The following KAZALD1 variants were observed in gnomAD, a reference collection of about 807,000 sequenced individuals.
KAZALD1 encodes the protein Kazal type serine peptidase inhibitor domain 1.
Under a neutral mutation model 27.7 loss-of-function variants are expected in KAZALD1, and 31 were observed. The observed-to-expected ratio is 1.12, with a 90% confidence interval of 0.84 to 1.51. KAZALD1 has a LOEUF of 1.51. KAZALD1 is among the 40% of genes most tolerant of loss of function. The pLI is 0.00. For missense variants in KAZALD1, 444 were observed against 408.9 expected, an observed-to-expected ratio of 1.09 and a Z score of -0.74; for synonymous variants, 179 against 182.0, an observed-to-expected ratio of 0.98 and a Z score of 0.13.
rs756292724 is a variant in KAZALD1 at position 101,064,318 on chromosome 10, T to C, written c.569T>C (p.Ile190Thr). ...TGGAATGTGACAGGGCAGGATGTGA[T>C]CTTTGGCTGTGAAGTGTTTGCCTAC... The part of the protein sequence containing the change: ...DTWNVTGQDV[I>T]FGCEVFAYPM... Residue 190 changes from isoleucine to threonine, a missense_variant, in exon 3 of 5, where the codon ATC (isoleucine) becomes ACC (threonine). Transcript: ENST00000370200. 2.5e-6 allele frequency: 4 copies of C among 1,614,164 alleles called. No homozygotes were observed. The highest frequency in any genetic ancestry group is 3.4e-6 in the Non-Finnish European group (4 of 1,180,018).
At position 101,064,263 on chromosome 10, in the gene KAZALD1, C is replaced by T. The variant is rs541791113; in HGVS notation, c.514C>T (p.Pro172Ser). The T allele has an allele frequency of 3.7e-6, 6 of 1,614,138 alleles. No individual in the cohort carries two copies. The African/African-American group carries it at 6.7e-5, about 18-fold the overall frequency. Residue 172 changes from proline to serine, a missense_variant and splice_region_variant, in exon 3 of 5, where the codon CCC becomes TCC. Pro to Ser is a moderately conservative substitution (Grantham distance 74). Transcript: ENST00000370200. Reference protein sequence around the residue: ...VAHPGPCESGPQIVSHPYDTW... With the variant: ...VAHPGPCESGSQIVSHPYDTW... ...AGACCTCCCGCCTTCACCCCCAGGG[C>T]CCCAGATCGTGTCACATCCATATGA... is the stretch of plus-strand genomic sequence containing the variant.
downstream of KAZALD1, chr10:101,067,177 G>A (rs1411171570): frequency 6.8e-6 from 3 of 438,452 alleles, no homozygotes; most frequent in Admixed American, 2.4e-5. Flanking sequence ...GGGGGAGGCT[G>A]AGCCGCTGCC....
intron 4 of KAZALD1, 47 bp from the exon 5 acceptor site, chr10:101,064,779 C>A: frequency 6.3e-7 from 1 of 1,598,736 alleles, no homozygotes; most frequent in African/African-American, 1.3e-5. Context: ...TGGGCACCGA[C>A]AGCCCCTCTC....
In KAZALD1 at chr10:101,064,494, G is replaced by A; in HGVS notation, c.673-7G>A. The stretch of plus-strand genomic sequence containing the variant: ...AAGGACCCTGCTGATTCCTTGCCTG[G>A]CTCCAGTTTAGGGGTGGACCCCAGA... On this transcript the variant is annotated splice_region_variant and splice_polypyrimidine_tract_variant and intron_variant, in intron 3 of 4. Transcript: ENST00000370200. 1 of 1,614,176 alleles carries A rather than the reference G, an allele frequency of 6.2e-7. No homozygotes were observed. Among genetic ancestry groups the A allele is most frequent in the Non-Finnish European group, 8.5e-7 (1 of 1,180,026 alleles).
chr10:101,064,163 C>T (rs548742144), intron 2 of KAZALD1, 98 bp from the exon 3 acceptor site: 1 of 1,314,152 alleles, frequency 7.6e-7, no homozygotes, highest in African/African-American at 1.4e-5. Context: ...TGTGTTCTGC[C>T]ACAAGCATGT....
chr10:101,064,342 A>G lies in KAZALD1; in HGVS notation c.593A>G (p.Tyr198Cys). Residue 198 changes from tyrosine to cysteine, a missense_variant, in exon 3 of 5, where the codon TAC (tyrosine) becomes TGC (cysteine). Coordinates refer to ENST00000370200, the MANE Select transcript of KAZALD1 (RefSeq NM_030929.5). The part of the protein sequence containing the change: ...DVIFGCEVFA[Y>C]PMASIEWRKD... ...ATCTTTGGCTGTGAAGTGTTTGCCT[A>G]CCCCATGGCCTCCATCGAGTGGAGG... 6.2e-7 allele frequency: 1 copy of G among 1,614,034 alleles called. No homozygotes were observed. The highest frequency in any genetic ancestry group is 2.2e-5 in the East Asian group (1 of 44,862).
chr10:101,062,403 C>T, intron 1 of KAZALD1, 139 bp from the exon 2 acceptor site: 3 of 752,472 alleles, frequency 4.0e-6, no homozygotes, highest in Non-Finnish European at 4.1e-6. Context: ...GGTCACTAGG[C>T]CTGTGTGTTG....
rs36116329 is a variant in KAZALD1, at chr10:101,064,595, G to A, written c.767G>A (p.Arg256His). The A allele has an allele frequency of 1.8e-3, 2,954 of 1,613,936 alleles. 36 individuals carry two copies. In the African/African-American group the frequency reaches 0.027, roughly 15 times the overall value. ...SDEGTYRCLG[R>H]NALGQVEAPA... ...GAGGGCACTTACCGCTGCCTTGGCC[G>A]CAATGCCCTGGGTCAAGTGGAGGCC... The change falls in exon 4 of 5, where the codon CGC (arginine) becomes CAC (histidine). Residue 256 changes from arginine to histidine, a missense_variant. Transcript: ENST00000370200.
intron 2 of KAZALD1, 173 bp from the exon 3 acceptor site, chr10:101,064,088 C>A: frequency 1.5e-6 from 1 of 658,022 alleles, no homozygotes; most frequent in Non-Finnish European, 2.6e-6. Flanking sequence ...TACCAGCATC[C>A]ATATCTGTGT....
Position 101,066,767 on chromosome 10 carries a change from A to T in KAZALD1, c.*1847A>T, listed in dbSNP as rs371233764. The T allele has an allele frequency of 1.2e-5, 4 of 340,614 alleles. No individual in the cohort carries two copies. In the East Asian group the frequency reaches 3.2e-4, roughly 27 times the overall value. 21.1% of individuals were successfully genotyped at this position (340,614 alleles called of 1,614,324 possible). ...CACCAAAAGCCCCACCCCACCGGAGAGGGTCACGCAGGTCCCGGGGAATCC... is the reference window on the plus strand; with the variant it reads ...CACCAAAAGCCCCACCCCACCGGAGTGGGTCACGCAGGTCCCGGGGAATCC... On this transcript the variant is annotated 3_prime_UTR_variant, in exon 5 of 5. Transcript: ENST00000370200.
downstream of KAZALD1, chr10:101,067,146 A>G (rs2134248305): frequency 9.0e-6 from 3 of 331,788 alleles, no homozygotes; most frequent in Admixed American, 3.4e-5. Flanking sequence ...GGGGAGGGGG[A>G]GGGAGGGGGA....
intron 2 of KAZALD1, 31 bp from the exon 3 acceptor site, chr10:101,064,230 C>T: frequency 1.2e-6 from 2 of 1,612,554 alleles, no homozygotes; most frequent in Non-Finnish European, 1.7e-6. Context: ...CTGGGCCATG[C>T]TATTCTCAGA....
At position 101,066,673 on chromosome 10, in the gene KAZALD1, G is replaced by A. The variant is rs1426921613; in HGVS notation, c.*1753G>A. 2.8e-6 allele frequency: 1 copy of A among 362,500 alleles called. No homozygotes were observed. The highest frequency in any genetic ancestry group is 2.1e-5 in the African/African-American group (1 of 47,162). The allele number at this position is 362,500 out of a possible 1,614,324, so 22.5% of individuals were successfully genotyped here. On this transcript the variant is annotated 3_prime_UTR_variant, in exon 5 of 5. Transcript: ENST00000370200. Reference sequence around the variant, plus strand: ...CCGCCCCTAGCTTGTTCTTCGCCCAGCTGGGCTCCAAGACGCCCTCTGCGG... The same window carrying A: ...CCGCCCCTAGCTTGTTCTTCGCCCAACTGGGCTCCAAGACGCCCTCTGCGG...
chr10:101,065,129 C>T lies in KAZALD1; in HGVS notation c.*209C>T. ...GGAGGGTAGGGAGAGAAGCTGAGAC[C>T]AGGACCGGTGGGGTACAAAGGGGCC... On this transcript the variant is annotated 3_prime_UTR_variant, in exon 5 of 5. Transcript: ENST00000370200. 1.8e-6 allele frequency: 1 copy of T among 566,696 alleles called. No individual in the cohort carries two copies. Among genetic ancestry groups the T allele is most frequent in the Admixed American group, 3.0e-5 (1 of 32,890 alleles). 35.1% of individuals were successfully genotyped at this position (566,696 alleles called of 1,614,324 possible).
chr10:101,062,465 G>T (rs1007188493), intron 1 of KAZALD1, 77 bp from the exon 2 acceptor site: 2 of 1,399,922 alleles, frequency 1.4e-6, no homozygotes, highest in Non-Finnish European at 1.9e-6. Context: ...TCATGCTTTG[G>T]TACAAGAAGC....
In KAZALD1 at chr10:101,065,863, C is replaced by T. The variant is rs117754766; in HGVS notation, c.*943C>T. Among the ~76,000 whole-genome samples the T allele has an allele frequency of 8.7e-3, 1,321 of 152,354 alleles. 7 individuals carry two copies. Among genetic ancestry groups the T allele is most frequent in the Non-Finnish European group, 0.014 (985 of 68,034 alleles). ...TGCTCATCTTATTCCAAACCCTTCC[C>T]CAGGCCAGAATGGGGAACAGGGCTA... On this transcript the variant is annotated 3_prime_UTR_variant, in exon 5 of 5. Transcript: ENST00000370200.
rs1939330503 is a variant in KAZALD1 at position 101,066,616 on chromosome 10, G to C, written c.*1696G>C. ...TCCGCCCGGCGCTGAAAGAGGGGAC[G>C]TGGGTGTGAGTCCCAGCATCAGCCA... On this transcript the variant is annotated 3_prime_UTR_variant, in exon 5 of 5. Transcript: ENST00000370200. 2.4e-6 allele frequency: 1 copy of C among 411,926 alleles called. No individual in the cohort carries two copies. 25.5% of individuals were successfully genotyped at this position (411,926 alleles called of 1,614,324 possible). A position where few individuals can be genotyped will look rare whatever the true frequency, so the allele number is the denominator to read the frequency against.
intron 4 of KAZALD1, 45 bp downstream of exon 4, chr10:101,064,693 A>C (rs1161931299): frequency 6.2e-7 from 1 of 1,611,640 alleles, no homozygotes; most frequent in Non-Finnish European, 8.5e-7. Flanking sequence ...ATGGTGCTGG[A>C]TTCCAGTTGT....
chr10:101,064,079 A>C, intron 2 of KAZALD1, 182 bp from the exon 3 acceptor site: 1 of 642,254 alleles, frequency 1.6e-6, no homozygotes, highest in East Asian at 2.7e-5. Flanking sequence ...CCTTGTGTGT[A>C]CCAGCATCCA....
Sources: allele counts gnomAD v4.1 joint callset (sites outside exome capture counted in the v4.1 genomes callset), GRCh38; gene constraint gnomAD v4.1.1; transcripts MANE v1.5; gene names NCBI Gene and HGNC (gene_info 2026-07-23, HGNC 2026-07-21).